LRRC4C: variants seen among roughly 807,000 people sequenced by gnomAD.
The protein encoded by LRRC4C is leucine-rich repeat-containing protein 4C.
A neutral mutation model predicts 33.6 loss-of-function variants in LRRC4C; 5 were observed. The observed-to-expected ratio is 0.15, with a 90% confidence interval of 0.08 to 0.31. The LOEUF (loss-of-function observed/expected upper bound fraction) is 0.31. Ranked by LOEUF, LRRC4C falls within the 10% of genes least tolerant of loss-of-function variation. The pLI is 1.00. For synonymous variants in LRRC4C, 329 were observed against 302.0 expected, an observed-to-expected ratio of 1.09 and a Z score of -0.93; for missense variants, 560 against 796.7, an observed-to-expected ratio of 0.70 and a Z score of 3.58.
intron 2 of LRRC4C, among the ~76,000 whole-genome samples, chr11:40,836,097 A>G (rs899250146): frequency 2.6e-5 from 4 of 152,222 alleles, no homozygotes; most frequent in Admixed American, 2.0e-4. Flanking sequence ...TCACGAAAAT[A>G]GCACACTTAA....
intron 3 of LRRC4C, among the ~76,000 whole-genome samples, chr11:40,499,270 T>C (rs1954623808): frequency 2.0e-5 from 3 of 152,140 alleles, no homozygotes; most frequent in South Asian, 4.1e-4. Context: ...AGCCCCTAGA[T>C]TGAACTTGTA....
chr11:41,217,607 T>C (rs1208259854), intron 1 of LRRC4C, among the ~76,000 whole-genome samples: 1 of 152,198 alleles, frequency 6.6e-6, no homozygotes, highest in Middle Eastern at 3.2e-3. Context: ...ACATGTACTA[T>C]GACTTAGCTA....
At chr11:40,452,432 G>A (rs1040415437) in intron 3 of LRRC4C, among the ~76,000 whole-genome samples, 20 of 152,190 alleles carry the variant, frequency 1.3e-4, no homozygotes, top group African/African-American at 4.8e-4. Context: ...ATGAATAAAT[G>A]CTCATCATCA....
chr11:41,041,890 A>G (rs570094054), intron 1 of LRRC4C, among the ~76,000 whole-genome samples: 16 of 152,282 alleles, frequency 1.1e-4, no homozygotes, highest in African/African-American at 3.4e-4. Context: ...GATCTACTTA[A>G]GTATATGTAC....
In LRRC4C at chr11:40,219,333, C is replaced by T. The variant is rs147331703; in HGVS notation, c.-96+22186G>A. ...CTATGGGACAGTGCTGTTCTTGACA[C>T]GTATACACTTTGTATATTTGTTTGT... On this transcript the variant is annotated intron_variant, in intron 5 of 6. Transcript: ENST00000528697. Among the ~76,000 whole-genome samples, 10 of 152,256 alleles carry T rather than the reference C, an allele frequency of 6.6e-5. No homozygotes were observed. The East Asian group carries it at 1.5e-3, about 24-fold the overall frequency.
chr11:40,903,494 T>G (rs1252143480), intron 2 of LRRC4C, among the ~76,000 whole-genome samples: 1 of 152,182 alleles, frequency 6.6e-6, no homozygotes, highest in Non-Finnish European at 1.5e-5. Flanking sequence ...TTTGTAAGAC[T>G]ACAGCTGACA....
rs555511686 is a variant in LRRC4C at position 40,120,220 on chromosome 11, C to T, written c.-42-3886G>A. On this transcript the variant is annotated intron_variant, in intron 6 of 6. Transcript: ENST00000528697. ...TAAAACCTGCATTCTAAAACAATTA[C>T]TAAACAAAAAGGCCTGGCTCATCAT... is the stretch of plus-strand genomic sequence containing the variant. 2.0e-5 allele frequency among the ~76,000 whole-genome samples: 3 copies of T among 152,250 alleles called. No individual in the cohort carries two copies. The East Asian group carries it at 5.8e-4, about 29-fold the overall frequency.
intron 3 of LRRC4C, among the ~76,000 whole-genome samples, chr11:40,607,987 G>A (rs1348237308): frequency 2.0e-5 from 3 of 152,224 alleles, no homozygotes; most frequent in East Asian, 1.9e-4. Context: ...CATGCCCTGC[G>A]AGGGGGATAA....
intron 3 of LRRC4C, among the ~76,000 whole-genome samples, chr11:40,364,089 A>G (rs1168701528): frequency 1.3e-5 from 2 of 152,158 alleles, no homozygotes; most frequent in Non-Finnish European, 2.9e-5. Flanking sequence ...TAACTTAACT[A>G]TATACCCAAA....
intron 2 of LRRC4C, among the ~76,000 whole-genome samples, chr11:40,881,985 G>T (rs1026884426): frequency 2.0e-5 from 3 of 151,668 alleles, no homozygotes; most frequent in Non-Finnish European, 4.4e-5. Flanking sequence ...AAGTCAGCAG[G>T]TTTTTTTTCT....
chr11:40,214,916 C>CTAG (rs1257177441), intron 5 of LRRC4C, among the ~76,000 whole-genome samples: 1 of 152,116 alleles, frequency 6.6e-6, no homozygotes, highest in Non-Finnish European at 1.5e-5. Context: ...CATTAAAGAG[C>CTAG]TAGTGAGCTC....
intron 3 of LRRC4C, among the ~76,000 whole-genome samples, chr11:40,379,277 A>G (rs897436739): frequency 6.7e-6 from 1 of 148,816 alleles, no homozygotes; most frequent in African/African-American, 2.6e-5. Flanking sequence ...ATTTAATTAT[A>G]ATATAAAATA....
At chr11:40,733,239 C>A (rs978338579) in intron 2 of LRRC4C, among the ~76,000 whole-genome samples, 2 of 151,622 alleles carry the variant, frequency 1.3e-5, no homozygotes, top group Non-Finnish European at 1.5e-5. Context: ...CCACACCCGG[C>A]TAATTTTTTG....
chr11:40,285,874 C>G (rs554106341), intron 4 of LRRC4C, among the ~76,000 whole-genome samples: 1 of 152,112 alleles, frequency 6.6e-6, no homozygotes, highest in Non-Finnish European at 1.5e-5. Context: ...TCAGCAGATA[C>G]GCAGTTCCTA....
chr11:40,226,841 G>A (rs1390266853), intron 5 of LRRC4C, among the ~76,000 whole-genome samples: 2 of 152,122 alleles, frequency 1.3e-5, no homozygotes, highest in Non-Finnish European at 2.9e-5. Context: ...TGCATATTTT[G>A]CATTTCAATA....
chr11:41,420,058 T>A (rs1424335467), intron 1 of LRRC4C, among the ~76,000 whole-genome samples: 1 of 151,950 alleles, frequency 6.6e-6, no homozygotes, highest in Non-Finnish European at 1.5e-5. Flanking sequence ...TCGGGGAACA[T>A]CCTGCTTTGT....
chr11:41,008,218 A>C (rs1447680539), intron 1 of LRRC4C, among the ~76,000 whole-genome samples: 2 of 152,044 alleles, frequency 1.3e-5, no homozygotes, highest in East Asian at 1.9e-4. Flanking sequence ...TCCATACCAC[A>C]TACAACAGGT....
intron 3 of LRRC4C, among the ~76,000 whole-genome samples, chr11:40,494,797 G>C (rs1257947698): frequency 1.3e-5 from 2 of 152,110 alleles, no homozygotes; most frequent in Non-Finnish European, 2.9e-5. Flanking sequence ...TTTTTACTTG[G>C]ATACCACACT....
intron 4 of LRRC4C, among the ~76,000 whole-genome samples, chr11:40,301,803 T>C (rs537506012): frequency 1.3e-5 from 2 of 152,348 alleles, no homozygotes; most frequent in South Asian, 4.1e-4. Flanking sequence ...TCACTCGTGA[T>C]TGAAATAATG....
Sources: allele counts gnomAD v4.1 joint callset (sites outside exome capture counted in the v4.1 genomes callset), GRCh38; gene constraint gnomAD v4.1.1; transcripts MANE v1.5; gene names NCBI Gene and HGNC (gene_info 2026-07-23, HGNC 2026-07-21).